The following ADAM22 variants were observed in gnomAD, a reference collection of about 807,000 sequenced individuals.
The protein encoded by ADAM22 is ADAM metallopeptidase domain 22.
Under a neutral mutation model 144.6 loss-of-function variants are expected in ADAM22, and 65 were observed. That is an observed-to-expected ratio of 0.45 (90% CI 0.37 to 0.55). The LOEUF is 0.55. Among genes scored for constraint, ADAM22 ranks in the 20% least tolerant of loss-of-function variants. The probability of loss-of-function intolerance (pLI) is 0.00; values close to 1 mark genes in which losing one functional copy is unlikely to be tolerated. For missense variants in ADAM22, 974 were observed against 1,184.9 expected, an observed-to-expected ratio of 0.82 and a Z score of 2.61; for synonymous variants, 391 against 412.6, an observed-to-expected ratio of 0.95 and a Z score of 0.63.
At position 88,035,800 on chromosome 7, in the gene ADAM22, C is replaced by G. The variant is rs199581968; in HGVS notation, c.324-39826C>G. Reference sequence around the variant, plus strand: ...TGGTATCTGCTCAGGGTCCTGGAACCAATTCCCCAAGGATACCAAGGGATG... The same window carrying G: ...TGGTATCTGCTCAGGGTCCTGGAACGAATTCCCCAAGGATACCAAGGGATG... On this transcript the variant is annotated intron_variant, in intron 3 of 31. Coordinates refer to ENST00000413139, the MANE Select transcript of ADAM22 (RefSeq NM_001324418.2). Among the ~76,000 whole-genome samples, 46 of 152,226 alleles carry G rather than the reference C, an allele frequency of 3.0e-4. 2 individuals carry two copies. The East Asian group carries it at 8.5e-3, about 28-fold the overall frequency.
intron 3 of ADAM22, among the ~76,000 whole-genome samples, chr7:88,012,038 C>CTTT: frequency 7.3e-6 from 1 of 137,908 alleles, no homozygotes; most frequent in Non-Finnish European, 1.6e-5. Context: ...GTTTTTTTTT[C>CTTT]TTTTTTTTTT....
chr7:88,104,673 GA>G (rs1259172638), intron 4 of ADAM22, among the ~76,000 whole-genome samples: 1 of 151,884 alleles, frequency 6.6e-6, no homozygotes, highest in Admixed American at 6.6e-5. Context: ...AATAATTATT[GA>G]CTTATGATTA....
At chr7:87,970,185 A>G in intron 2 of ADAM22, among the ~76,000 whole-genome samples, 1 of 152,096 alleles carries the variant, frequency 6.6e-6, no homozygotes, top group East Asian at 1.9e-4. Flanking sequence ...TCATAAGGCT[A>G]TGGTGATTTT....
chr7:88,121,157 G>A (rs1359231944), intron 7 of ADAM22, among the ~76,000 whole-genome samples: 1 of 152,050 alleles, frequency 6.6e-6, no homozygotes, highest in Non-Finnish European at 1.5e-5. Context: ...CTTTATATAA[G>A]TTTTGAAATC....
At chr7:88,092,114 A>G (rs966078209) in intron 4 of ADAM22, among the ~76,000 whole-genome samples, 8 of 152,198 alleles carry the variant, frequency 5.3e-5, no homozygotes, top group African/African-American at 1.2e-4. Context: ...TGGCAAACAC[A>G]TGGCTCAGTT....
chr7:88,186,479 C>T, intron 29 of ADAM22, 136 bp from the exon 30 acceptor site: 1 of 724,922 alleles, frequency 1.4e-6, no homozygotes, highest in South Asian at 1.5e-5. Context: ...TCATAATCAC[C>T]CAACATCCAT....
chr7:88,084,950 C>A (rs895896711), intron 4 of ADAM22, among the ~76,000 whole-genome samples: 1 of 152,206 alleles, frequency 6.6e-6, no homozygotes, highest in East Asian at 1.9e-4. Context: ...CTTCACATGG[C>A]TTTCCCTCTG....
At chr7:88,166,066 T>C in intron 24 of ADAM22, 120 bp downstream of exon 24, 1 of 636,610 alleles carries the variant, frequency 1.6e-6, no homozygotes, top group East Asian at 3.1e-5. Context: ...TAATAATGAA[T>C]TATACAACTG....
chr7:87,973,836 G>A (rs1406711036), intron 2 of ADAM22, among the ~76,000 whole-genome samples: 1 of 151,964 alleles, frequency 6.6e-6, no homozygotes, highest in African/African-American at 2.4e-5. Flanking sequence ...ACTATCGTGA[G>A]GACAAAAAAC....
chr7:87,982,136 A>G (rs939687825), intron 3 of ADAM22, among the ~76,000 whole-genome samples: 10 of 149,624 alleles, frequency 6.7e-5, no homozygotes, highest in African/African-American at 2.5e-4. Flanking sequence ...CTAAGCCTCT[A>G]GTAATGCTAA....
At chr7:88,118,371 T>C (rs1348194701) in intron 7 of ADAM22, among the ~76,000 whole-genome samples, 1 of 152,158 alleles carries the variant, frequency 6.6e-6, no homozygotes, top group Admixed American at 6.5e-5. Flanking sequence ...GAAGATTTAA[T>C]AGAATTTACT....
intron 4 of ADAM22, among the ~76,000 whole-genome samples, chr7:88,092,958 T>TC (rs1563199979): frequency 1.7e-5 from 2 of 119,844 alleles, no homozygotes; most frequent in Non-Finnish European, 3.7e-5. Context: ...AAGATTTTTT[T>TC]TCCCCCAGTT....
intron 3 of ADAM22, among the ~76,000 whole-genome samples, chr7:88,038,971 G>T (rs1350311371): frequency 6.6e-6 from 1 of 151,594 alleles, no homozygotes; most frequent in African/African-American, 2.4e-5. Flanking sequence ...TGTAGAGGTT[G>T]GTTTTCACTA....
chr7:87,935,281 C>T (rs1360368781), intron 2 of ADAM22, 95 bp downstream of exon 2: 2 of 1,373,506 alleles, frequency 1.5e-6, no homozygotes, highest in Non-Finnish European at 1.9e-6. Context: ...CCCATGTCTT[C>T]TTGGGTGAAA....
chr7:88,083,883 G>T (rs1166465793), intron 4 of ADAM22, among the ~76,000 whole-genome samples: 1 of 151,932 alleles, frequency 6.6e-6, no homozygotes, highest in Non-Finnish European at 1.5e-5. Flanking sequence ...ATATAACATG[G>T]GAGAATGGAG....
intron 4 of ADAM22, among the ~76,000 whole-genome samples, chr7:88,106,186 C>A (rs1404968921): frequency 6.6e-6 from 1 of 152,278 alleles, no homozygotes; most frequent in South Asian, 2.1e-4. Context: ...GGGTTCCATT[C>A]CCTGTACAAC....
intron 3 of ADAM22, among the ~76,000 whole-genome samples, chr7:88,049,376 GT>G (rs1004950111): frequency 2.0e-4 from 31 of 151,448 alleles, no homozygotes; most frequent in African/African-American, 7.3e-4. Context: ...TTTCTTTTCT[GT>G]TTTTTGTTTT....
At chr7:88,094,015 A>C (rs1820614075) in intron 4 of ADAM22, among the ~76,000 whole-genome samples, 1 of 152,162 alleles carries the variant, frequency 6.6e-6, no homozygotes, top group South Asian at 2.1e-4. Context: ...TAATTCTCAG[A>C]TACTCAATGT....
At chr7:88,170,643 A>AT (rs1844096936) in intron 25 of ADAM22, among the ~76,000 whole-genome samples, 1 of 151,984 alleles carries the variant, frequency 6.6e-6, no homozygotes, top group African/African-American at 2.4e-5. Flanking sequence ...ATCAAACGTG[A>AT]TATGTATAAT....
Sources: gnomAD v4.1 joint callset for allele counts (sites outside exome capture counted in the v4.1 genomes callset) on GRCh38, gnomAD v4.1.1 for gene constraint, MANE v1.5 for transcripts, NCBI Gene and HGNC (gene_info 2026-07-23, HGNC 2026-07-21) for gene names.